Variants in SEMA3A observed in about 807,000 individuals in gnomAD.
SEMA3A encodes the protein semaphorin 3A.
Under a neutral mutation model 97.9 loss-of-function variants are expected in SEMA3A, and 29 were observed. The observed-to-expected ratio is 0.30, with a 90% confidence interval of 0.22 to 0.40. SEMA3A has a LOEUF of 0.40. Among genes scored for constraint, SEMA3A ranks in the 10% least tolerant of loss-of-function variants. SEMA3A has a pLI of 1.00. For synonymous variants in SEMA3A, 321 were observed against 323.7 expected (o/e 0.99, Z 0.09); for missense variants, 763 against 951.3 (o/e 0.80, Z 2.60).
chr7:84,378,452 C>T (rs552044532), intron 1 of SEMA3A, among the ~76,000 whole-genome samples: 113 of 152,168 alleles, frequency 7.4e-4, no homozygotes, highest in African/African-American at 2.6e-3. Flanking sequence ...TGCAAACTAA[C>T]ACAGGAACAG....
intron 1 of SEMA3A, among the ~76,000 whole-genome samples, chr7:84,424,728 A>G (rs1325195598): frequency 1.0e-5 from 1 of 100,420 alleles, no homozygotes; most frequent in Non-Finnish European, 1.7e-5. Flanking sequence ...AATTATTTAT[A>G]TATTATATAT....
chr7:84,150,482 C>T (rs915580075), intron 1 of SEMA3A, among the ~76,000 whole-genome samples: 43 of 152,266 alleles, frequency 2.8e-4, no homozygotes, highest in South Asian at 4.1e-4. Flanking sequence ...GGGTGACGGA[C>T]GGCACCTGGA....
intron 1 of SEMA3A, among the ~76,000 whole-genome samples, chr7:84,190,752 T>C (rs1798014714): frequency 6.7e-6 from 1 of 148,396 alleles, no homozygotes. Flanking sequence ...CACACATATA[T>C]ATAATTTAAA....
upstream of SEMA3A, among the ~76,000 whole-genome samples, chr7:84,197,766 G>T (rs955764815): frequency 3.3e-5 from 4 of 120,060 alleles, no homozygotes; most frequent in Non-Finnish European, 4.8e-5. Flanking sequence ...TTGAGACGGA[G>T]TCTCGCTCCG....
chr7:84,335,548 C>T (rs1437894218), intron 2 of SEMA3A, among the ~76,000 whole-genome samples: 4 of 151,956 alleles, frequency 2.6e-5, no homozygotes, highest in East Asian at 3.9e-4. Context: ...CGCTGAAAAG[C>T]GAAGATTATG....
chr7:84,310,132 A>G (rs1801276851), intron 2 of SEMA3A, among the ~76,000 whole-genome samples: 1 of 152,146 alleles, frequency 6.6e-6, no homozygotes, highest in Non-Finnish European at 1.5e-5. Flanking sequence ...TCTATTCCAC[A>G]TTGACTCAAT....
chr7:84,062,672 A>G (rs183489865), intron 4 of SEMA3A, among the ~76,000 whole-genome samples: 3 of 152,172 alleles, frequency 2.0e-5, no homozygotes, highest in Non-Finnish European at 2.9e-5. Context: ...GGCACCTGGA[A>G]AATCCGGTCA....
chr7:84,389,725 G>A (rs1023750052), intron 1 of SEMA3A, among the ~76,000 whole-genome samples: 5 of 151,410 alleles, frequency 3.3e-5, no homozygotes, highest in African/African-American at 7.3e-5. Context: ...CATTAATTAC[G>A]TACTTGAATG....
intron 4 of SEMA3A, among the ~76,000 whole-genome samples, chr7:84,073,863 T>TAAAAAAAAAAA (rs57789538): frequency 9.8e-6 from 1 of 101,674 alleles, no homozygotes; most frequent in African/African-American, 3.1e-5. Context: ...TAAAAAAAGC[T>TAAAAAAAAAAA]AAAAAAAAAA....
At chr7:84,152,255 C>A (rs994964704) in intron 1 of SEMA3A, among the ~76,000 whole-genome samples, 3 of 147,326 alleles carry the variant, frequency 2.0e-5, no homozygotes, top group African/African-American at 7.5e-5. Context: ...ATGTTTATTG[C>A]GGCATTATTC....
chr7:84,184,909 G>A (rs533326236), intron 1 of SEMA3A, among the ~76,000 whole-genome samples: 1 of 152,212 alleles, frequency 6.6e-6, no homozygotes, highest in East Asian at 1.9e-4. Context: ...CAGCAACATT[G>A]AACAATGGAA....
rs142451816 is a variant in SEMA3A, at chr7:84,331,349, G to A, written c.-168-24057C>T. On this transcript the variant is annotated intron_variant, in intron 2 of 3. Transcript: ENST00000424555. ...GAGCCTTCTACCTTAAACAAAGTCTGTTGAGTTTCTGCTTTTAATCCCAAC... is the reference window on the plus strand; with the variant it reads ...GAGCCTTCTACCTTAAACAAAGTCTATTGAGTTTCTGCTTTTAATCCCAAC... Among the ~76,000 whole-genome samples the A allele has an allele frequency of 8.0e-3, 1,211 of 152,186 alleles. 11 individuals carry two copies. The highest frequency in any genetic ancestry group is 0.019 in the South Asian group (92 of 4,826).
At chr7:84,067,970 A>G (rs1288276457) in intron 4 of SEMA3A, among the ~76,000 whole-genome samples, 1 of 137,398 alleles carries the variant, frequency 7.3e-6, no homozygotes, top group African/African-American at 2.9e-5. Context: ...AGACACATGC[A>G]CACGTATGTT....
intron 3 of SEMA3A, among the ~76,000 whole-genome samples, chr7:84,229,372 C>T (rs1799064660): frequency 6.6e-6 from 1 of 152,100 alleles, no homozygotes; most frequent in African/African-American, 2.4e-5. Context: ...GAGTGAGTGA[C>T]ACAGCATTTA....
intron 1 of SEMA3A, among the ~76,000 whole-genome samples, chr7:84,377,839 G>T (rs1803147034): frequency 1.3e-5 from 2 of 152,138 alleles, no homozygotes; most frequent in South Asian, 2.1e-4. Context: ...TTGAACTTCA[G>T]CTGTGACTCA....
chr7:83,967,977 T>C (rs991190949), intron 15 of SEMA3A, among the ~76,000 whole-genome samples: 8 of 152,206 alleles, frequency 5.3e-5, no homozygotes, highest in Admixed American at 1.3e-4. Flanking sequence ...TATATACTAC[T>C]TTATTATTTG....
intron 5 of SEMA3A, among the ~76,000 whole-genome samples, chr7:84,049,551 T>C (rs1792504716): frequency 6.6e-6 from 1 of 152,074 alleles, no homozygotes; most frequent in Non-Finnish European, 1.5e-5. Context: ...CTTTGTGAAA[T>C]AAACTAAAGA....
intron 5 of SEMA3A, among the ~76,000 whole-genome samples, chr7:84,056,902 A>C (rs1423386484): frequency 6.6e-6 from 1 of 152,240 alleles, no homozygotes; most frequent in African/African-American, 2.4e-5. Context: ...CATATATTAA[A>C]GAATTACACA....
chr7:84,142,674 T>C (rs1796327100), intron 1 of SEMA3A, among the ~76,000 whole-genome samples: 1 of 152,214 alleles, frequency 6.6e-6, no homozygotes. Flanking sequence ...ATTTGCTCTG[T>C]ACTTGGTGTT....
Sources: gnomAD v4.1 joint callset for allele counts (sites outside exome capture counted in the v4.1 genomes callset) on GRCh38, gnomAD v4.1.1 for gene constraint, MANE v1.5 for transcripts, NCBI Gene and HGNC (gene_info 2026-07-23, HGNC 2026-07-21) for gene names.